The following EPB41L3 variants were observed in gnomAD, a reference collection of about 807,000 sequenced individuals.
EPB41L3 encodes the protein band 4.1-like protein 3.
Under a neutral mutation model 127.1 loss-of-function variants are expected in EPB41L3, and 57 were observed. The observed-to-expected ratio is 0.45, with a 90% confidence interval of 0.36 to 0.56. The LOEUF (loss-of-function observed/expected upper bound fraction) is 0.56. Among genes scored for constraint, EPB41L3 ranks in the 20% least tolerant of loss-of-function variants. The pLI, the probability that EPB41L3 is intolerant of heterozygous loss-of-function variation, is 0.00. For missense variants in EPB41L3, 1,273 were observed against 1,372.2 expected (o/e 0.93, Z 1.14); for synonymous variants, 572 against 549.5 (o/e 1.04, Z -0.57).
chr18:5,545,341 A>G (rs1035885489), upstream of EPB41L3, among the ~76,000 whole-genome samples: 1 of 152,222 alleles, frequency 6.6e-6, no homozygotes, highest in Non-Finnish European at 1.5e-5. Flanking sequence ...GACAAGATAC[A>G]GAACACGTGC....
At chr18:5,529,560 G>A (rs2093345024) in intron 1 of EPB41L3, among the ~76,000 whole-genome samples, 1 of 152,106 alleles carries the variant, frequency 6.6e-6, no homozygotes, top group South Asian at 2.1e-4. Context: ...TCCTCATGGC[G>A]AACTCACCAA....
intron 1 of EPB41L3, among the ~76,000 whole-genome samples, chr18:5,529,453 C>T (rs546564132): frequency 2.0e-5 from 3 of 152,216 alleles, no homozygotes; most frequent in South Asian, 2.1e-4. Flanking sequence ...TGCAGCCTGG[C>T]TTCCACCCTC....
intron 1 of EPB41L3, among the ~76,000 whole-genome samples, chr18:5,489,529 A>G (rs1468545452): frequency 6.6e-6 from 1 of 152,258 alleles, no homozygotes; most frequent in Non-Finnish European, 1.5e-5. Flanking sequence ...AATTAAAAAA[A>G]TTTGCTGTAT....
intron 8 of EPB41L3, among the ~76,000 whole-genome samples, chr18:5,432,352 T>A (rs900459040): frequency 6.6e-6 from 1 of 152,158 alleles, no homozygotes; most frequent in African/African-American, 2.4e-5. Flanking sequence ...AACCTGTAAC[T>A]GCACATTCTG....
chr18:5,398,750 G>C, intron 16 of EPB41L3: 1 of 399,324 alleles, frequency 2.5e-6, no homozygotes, highest in Non-Finnish European at 4.4e-6. Context: ...TCTTCCTTCG[G>C]GGACCAAAGA....
chr18:5,574,061 C>A (rs969014730), intron 3 of EPB41L3, among the ~76,000 whole-genome samples: 17 of 152,156 alleles, frequency 1.1e-4, no homozygotes, highest in South Asian at 4.2e-4. Context: ...CAGGCACGCA[C>A]CACCTTTTAA....
At chr18:5,424,451 A>C (rs1472229387) in intron 9 of EPB41L3, 92 bp from the exon 10 acceptor site, 2 of 958,988 alleles carry the variant, frequency 2.1e-6, no homozygotes, top group East Asian at 2.7e-5. Context: ...ATGCCACCAG[A>C]ATTTTAAAAA....
At chr18:5,574,772 G>A (rs1286305745) in intron 3 of EPB41L3, among the ~76,000 whole-genome samples, 4 of 152,116 alleles carry the variant, frequency 2.6e-5, no homozygotes, top group African/African-American at 9.7e-5. Context: ...ACTATTCTGG[G>A]AGAGGACCTT....
rs2077746588 is a variant in EPB41L3, at chr18:5,423,570, A to C, written c.1164-17T>G. 1.9e-6 allele frequency: 3 copies of C among 1,585,336 alleles called. No homozygotes were observed. Among genetic ancestry groups the C allele is most frequent in the South Asian group, 2.3e-5 (2 of 88,118 alleles). The stretch of plus-strand genomic sequence containing the variant: ...AACAGTAGTCTAAAGAGAATAAAGA[A>C]AAACAGCAGAAAGACTATTAAGTCC... On this transcript the variant is annotated splice_polypyrimidine_tract_variant and intron_variant, in intron 10 of 22. Transcript: ENST00000341928.
At chr18:5,407,855 A>T in intron 14 of EPB41L3, 119 bp from the exon 15 acceptor site, 1 of 828,410 alleles carries the variant, frequency 1.2e-6, no homozygotes, top group Non-Finnish European at 2.0e-6. Flanking sequence ...TTGCATATGG[A>T]TGCCACTTCT....
At chr18:5,434,525 T>G (rs1407756330) in intron 6 of EPB41L3, among the ~76,000 whole-genome samples, 1 of 152,218 alleles carries the variant, frequency 6.6e-6, no homozygotes, top group African/African-American at 2.4e-5. Context: ...AGTACAGTTA[T>G]GTGCCACAAA....
chr18:5,423,147 C>T (rs781123794), intron 11 of EPB41L3, among the ~76,000 whole-genome samples: 4 of 151,988 alleles, frequency 2.6e-5, no homozygotes, highest in Non-Finnish European at 4.4e-5. Flanking sequence ...TCTTCATTCC[C>T]GAAGTGCCAT....
Position 5,410,716 on chromosome 18 carries a change from TTTTC to T in EPB41L3, c.2068-101_2068-98del. The T allele has an allele frequency of 3.3e-6, 3 of 915,274 alleles. No individual in the cohort carries two copies. In the Admixed American group the frequency reaches 6.3e-5, roughly 19 times the overall value. The allele number at this position is 915,274 out of a possible 1,614,324, so 56.7% of individuals were successfully genotyped here. On this transcript the variant is annotated intron_variant, in intron 13 of 22. Coordinates refer to ENST00000341928, the MANE Select transcript of EPB41L3 (RefSeq NM_012307.5). ...GCTCTGGCACAGGTCAGACAGGTCA[TTTTC>T]TTTCTCTGTGATTTCTCTGTGTCAC...
intron 1 of EPB41L3, among the ~76,000 whole-genome samples, chr18:5,491,495 A>T (rs1002638022): frequency 2.0e-5 from 3 of 152,248 alleles, no homozygotes; most frequent in African/African-American, 7.2e-5. Flanking sequence ...GAGAGCCAGC[A>T]GTACACAAGC....
intron 3 of EPB41L3, among the ~76,000 whole-genome samples, chr18:5,447,448 C>CTTTTT (rs10694622): frequency 1.7e-4 from 19 of 114,102 alleles, no homozygotes; most frequent in East Asian, 2.8e-4. Context: ...AGCTAGACTA[C>CTTTTT]TTTTTTTTTT....
chr18:5,627,130 A>T (rs767609971), intron 1 of EPB41L3, among the ~76,000 whole-genome samples: 1 of 152,080 alleles, frequency 6.6e-6, no homozygotes, highest in Non-Finnish European at 1.5e-5. Context: ...AGACCACAGG[A>T]CCCATCCTCT....
intron 3 of EPB41L3, among the ~76,000 whole-genome samples, chr18:5,587,445 A>T (rs1450236896): frequency 4.6e-5 from 7 of 152,124 alleles, no homozygotes; most frequent in Admixed American, 2.0e-4. Context: ...TACTGTGCCT[A>T]ATTTATAAAC....
intron 16 of EPB41L3, among the ~76,000 whole-genome samples, chr18:5,402,536 G>A (rs2074674154): frequency 6.6e-6 from 1 of 152,052 alleles, no homozygotes; most frequent in African/African-American, 2.4e-5. Context: ...TATTAACAGT[G>A]TCTACATTCC....
At chr18:5,489,813 T>C (rs1334348517) in intron 1 of EPB41L3, among the ~76,000 whole-genome samples, 1 of 152,188 alleles carries the variant, frequency 6.6e-6, no homozygotes, top group Non-Finnish European at 1.5e-5. Flanking sequence ...CAGGATCACC[T>C]CTCCTTCCCT....
Sources: gnomAD v4.1 joint callset for allele counts (sites outside exome capture counted in the v4.1 genomes callset) on GRCh38, gnomAD v4.1.1 for gene constraint, MANE v1.5 for transcripts, NCBI Gene and HGNC (gene_info 2026-07-23, HGNC 2026-07-21) for gene names.